PTPRT: variants seen among roughly 807,000 people sequenced by gnomAD.
PTPRT encodes receptor-type tyrosine-protein phosphatase T.
Under a neutral mutation model 176.8 loss-of-function variants are expected in PTPRT, and 56 were observed. The observed-to-expected ratio is 0.32, with a 90% CI of 0.26 to 0.40. The LOEUF (loss-of-function observed/expected upper bound fraction) is 0.40, where lower values mean the gene tolerates loss of function less well. Among genes scored for constraint, PTPRT ranks in the 10% least tolerant of loss-of-function variants. The pLI is 1.00. For missense variants in PTPRT, 1,540 were observed against 1,908.2 expected, an observed-to-expected ratio of 0.81 and a Z score of 3.60; for synonymous variants, 783 against 739.0, an observed-to-expected ratio of 1.06 and a Z score of -0.96.
At chr20:42,221,882 T>A (rs4375930) in intron 15 of PTPRT, among the ~76,000 whole-genome samples, 3 of 151,726 alleles carry the variant, frequency 2.0e-5, no homozygotes, top group Non-Finnish European at 4.4e-5. Context: ...GAGAATAGCA[T>A]GGAGGGAAAC....
intron 1 of PTPRT, among the ~76,000 whole-genome samples, chr20:43,186,301 T>C (rs1210719085): frequency 2.6e-5 from 4 of 152,194 alleles, no homozygotes; most frequent in African/African-American, 4.8e-5. Context: ...CATACTCTTT[T>C]CTCCAAACCA....
intron 1 of PTPRT, among the ~76,000 whole-genome samples, chr20:42,918,558 G>A (rs1224252112): frequency 1.3e-5 from 2 of 152,096 alleles, no homozygotes; most frequent in African/African-American, 4.8e-5. Flanking sequence ...CAAGCCACCT[G>A]CTCTCCTCAC....
At chr20:43,107,915 T>A (rs1408016315) in intron 1 of PTPRT, among the ~76,000 whole-genome samples, 1 of 152,266 alleles carries the variant, frequency 6.6e-6, no homozygotes, top group Non-Finnish European at 1.5e-5. Context: ...GTTGGGTTAT[T>A]CTTCCGTGTA....
chr20:42,548,697 C>T (rs1426440060), intron 7 of PTPRT, among the ~76,000 whole-genome samples: 1 of 152,110 alleles, frequency 6.6e-6, no homozygotes, highest in African/African-American at 2.4e-5. Context: ...GGAAAAGATA[C>T]TTGTGATGTC....
chr20:42,471,120 G>C lies in PTPRT; in HGVS notation c.1450+1146C>G, dbSNP rs117541584. On this transcript the variant is annotated intron_variant, in intron 8 of 30. Coordinates refer to ENST00000373187, the MANE Select transcript of PTPRT (RefSeq NM_007050.6). ...CCAGATGAATATTCAGTTCTGGGTGGATCCAATGTGTACGCTAAGCTTTTT... is the reference window on the plus strand; with the variant it reads ...CCAGATGAATATTCAGTTCTGGGTGCATCCAATGTGTACGCTAAGCTTTTT... Among the ~76,000 whole-genome samples, 1,286 of 152,250 alleles carry C rather than the reference G, an allele frequency of 8.4e-3. 11 individuals carry two copies. The highest frequency in any genetic ancestry group is 0.014 in the Middle Eastern group (4 of 294).
At position 43,189,203 on chromosome 20, in the gene PTPRT, C is replaced by T. The variant is rs2015473811; in HGVS notation, c.88+443G>A. ...CCGCCGCCCCGGCAGCCTCGGCCTG[C>T]TGGGGACCTGTCCTCCCCACTAAAA... On this transcript the variant is annotated intron_variant, in intron 1 of 30. Transcript: ENST00000373187. The surrounding 1 kb of genome is among the most constrained non-coding windows in gnomAD (Gnocchi z 5.0). Among the ~76,000 whole-genome samples, 2 of 152,192 alleles carry T rather than the reference C, an allele frequency of 1.3e-5. No individual in the cohort carries two copies. Among genetic ancestry groups the T allele is most frequent in the Admixed American group, 6.5e-5 (1 of 15,294 alleles).
chr20:42,175,362 C>G (rs575738767), intron 16 of PTPRT, among the ~76,000 whole-genome samples: 1 of 152,278 alleles, frequency 6.6e-6, no homozygotes, highest in South Asian at 2.1e-4. Context: ...AGAATCTGTA[C>G]AGGACGTGCT....
intron 11 of PTPRT, among the ~76,000 whole-genome samples, chr20:42,330,282 C>G (rs1486502603): frequency 6.6e-6 from 1 of 151,966 alleles, no homozygotes; most frequent in Non-Finnish European, 1.5e-5. Flanking sequence ...ACTAGCCTCG[C>G]CAACATCGTG....
intron 7 of PTPRT, among the ~76,000 whole-genome samples, chr20:42,672,131 T>C (rs1033332362): frequency 6.6e-6 from 1 of 152,236 alleles, no homozygotes; most frequent in Non-Finnish European, 1.5e-5. Context: ...GCATTGTTCC[T>C]GGGTATGTCT....
chr20:42,385,310 A>G (rs966262578), intron 9 of PTPRT, among the ~76,000 whole-genome samples: 2 of 152,218 alleles, frequency 1.3e-5, no homozygotes, highest in African/African-American at 4.8e-5. Context: ...ATGTGACAAC[A>G]TAGATGAACC....
chr20:43,062,148 A>G (rs1416042992), intron 1 of PTPRT, among the ~76,000 whole-genome samples: 1 of 152,220 alleles, frequency 6.6e-6, no homozygotes, highest in Non-Finnish European at 1.5e-5. Flanking sequence ...AAAATGTTCT[A>G]TGCCTTGATC....
At chr20:42,906,358 A>G (rs1214708912) in intron 1 of PTPRT, among the ~76,000 whole-genome samples, 2 of 152,210 alleles carry the variant, frequency 1.3e-5, no homozygotes, top group African/African-American at 4.8e-5. Context: ...CCAGGGGGAA[A>G]GCCACGTTCC....
chr20:42,441,046 A>G (rs1037054090), intron 9 of PTPRT, among the ~76,000 whole-genome samples: 3 of 152,098 alleles, frequency 2.0e-5, no homozygotes, highest in Non-Finnish European at 4.4e-5. Context: ...AATCATCCAA[A>G]CTATGGTTTG....
chr20:42,987,254 T>C (rs1203342288), intron 1 of PTPRT, among the ~76,000 whole-genome samples: 1 of 152,188 alleles, frequency 6.6e-6, no homozygotes, highest in Admixed American at 6.5e-5. Context: ...TACACTGCCC[T>C]AGAGGGTGCC....
intron 11 of PTPRT, among the ~76,000 whole-genome samples, chr20:42,348,495 T>C (rs1448877174): frequency 6.6e-6 from 1 of 152,162 alleles, no homozygotes; most frequent in Non-Finnish European, 1.5e-5. Flanking sequence ...CTTTAGGTCA[T>C]TTGAACTAAG....
At chr20:42,668,486 T>G (rs2075355062) in intron 7 of PTPRT, among the ~76,000 whole-genome samples, 2 of 152,062 alleles carry the variant, frequency 1.3e-5, no homozygotes. Flanking sequence ...TGAGACTTCA[T>G]GGGTTAGGGG....
chr20:42,664,643 T>C (rs1286663242), intron 7 of PTPRT, among the ~76,000 whole-genome samples: 1 of 152,196 alleles, frequency 6.6e-6, no homozygotes, highest in African/African-American at 2.4e-5. Context: ...ATAAATTTTT[T>C]ATTTTTGTAA....
At chr20:42,071,659 AT>A (rs916647614), downstream of PTPRT, among the ~76,000 whole-genome samples, 2 of 151,850 alleles carry the variant, frequency 1.3e-5, no homozygotes, top group African/African-American at 4.8e-5. Context: ...ATTTTATTTT[AT>A]TTTATTTTAT....
At chr20:42,718,949 A>G (rs1161760306) in intron 6 of PTPRT, among the ~76,000 whole-genome samples, 1 of 152,250 alleles carries the variant, frequency 6.6e-6, no homozygotes, top group East Asian at 1.9e-4. Flanking sequence ...AAAGATACAT[A>G]GTCAAGAAAT....
Sources: allele counts gnomAD v4.1 joint callset (sites outside exome capture counted in the v4.1 genomes callset), GRCh38; gene constraint gnomAD v4.1.1; non-coding constraint Gnocchi (gnomAD v3.1); transcripts MANE v1.5; gene names NCBI Gene and HGNC (gene_info 2026-07-23, HGNC 2026-07-21).